NAA35: variants seen among roughly 807,000 people sequenced by gnomAD.
NAA35 encodes MAK10 homolog, amino-acid N-acetyltransferase subunit.
NAA35 carries 18 observed loss-of-function variants against 101.7 expected under a neutral mutation model. The ratio of observed to expected loss-of-function variants is 0.18; its 90% CI spans 0.12 to 0.26. The LOEUF is 0.26. Among genes scored for constraint, NAA35 ranks in the 10% least tolerant of loss-of-function variants. The probability of loss-of-function intolerance (pLI) is 1.00; values close to 1 mark genes in which losing one functional copy is unlikely to be tolerated. For synonymous variants in NAA35, 267 were observed against 273.1 expected, an observed-to-expected ratio of 0.98 and a Z score of 0.22; for missense variants, 601 against 886.8, an observed-to-expected ratio of 0.68 and a Z score of 4.09.
intron 2 of NAA35, among the ~76,000 whole-genome samples, chr9:85,950,369 C>T (rs1251690478): frequency 6.6e-6 from 1 of 152,166 alleles, no homozygotes; most frequent in Non-Finnish European, 1.5e-5. Flanking sequence ...TCTCAGCCTC[C>T]CAAGTAGTTG....
chr9:85,982,511 T>G (rs911095184), intron 11 of NAA35, among the ~76,000 whole-genome samples: 1 of 152,218 alleles, frequency 6.6e-6, no homozygotes, highest in Non-Finnish European at 1.5e-5. Context: ...ATGTTTCTCT[T>G]TCCATGTTCA....
At chr9:85,996,617 A>T (rs891951702) in intron 12 of NAA35, 40 bp downstream of exon 12, 8 of 1,375,010 alleles carry the variant, frequency 5.8e-6, no homozygotes, top group East Asian at 5.1e-5. Context: ...ACTTCCATTT[A>T]AAAAAAATTG....
At chr9:86,005,643 A>T (rs1378677305) in intron 13 of NAA35, among the ~76,000 whole-genome samples, 2 of 152,226 alleles carry the variant, frequency 1.3e-5, no homozygotes, top group Non-Finnish European at 2.9e-5. Context: ...TAGGATATGA[A>T]GTCATTATAC....
At chr9:85,949,829 A>G (rs1194357234) in intron 2 of NAA35, among the ~76,000 whole-genome samples, 1 of 151,926 alleles carries the variant, frequency 6.6e-6, no homozygotes, top group East Asian at 1.9e-4. Flanking sequence ...AAAAAACAGT[A>G]TCATGTTACT....
chr9:86,007,528 TA>T lies in NAA35; in HGVS notation c.1223+65del, dbSNP rs1441517041. On this transcript the variant is annotated intron_variant, in intron 14 of 22. Coordinates refer to ENST00000361671, the MANE Select transcript of NAA35 (RefSeq NM_024635.4). ...CTCCTTTAAAAGCCCAACTTCTCTGTACTCCTTCTTTATAGCCAAAGTATCA... is the reference window on the plus strand; with the variant it reads ...CTCCTTTAAAAGCCCAACTTCTCTGTCTCCTTCTTTATAGCCAAAGTATCA... The T allele has an allele frequency of 1.7e-5, 20 of 1,182,040 alleles. No homozygotes were observed. The East Asian group carries it at 4.8e-4, about 28-fold the overall frequency. 73.2% of individuals were successfully genotyped at this position (1,182,040 alleles called of 1,614,324 possible).
At chr9:86,015,852 GA>G (rs1832183774) in intron 17 of NAA35, 1 of 864,524 alleles carries the variant, frequency 1.2e-6, no homozygotes, top group Non-Finnish European at 1.4e-6. Context: ...TAAGATATAT[GA>G]GTTGTTATGG....
At chr9:86,009,791 G>T in intron 14 of NAA35, 74 bp from the exon 15 acceptor site, 1 of 1,035,156 alleles carries the variant, frequency 9.7e-7, no homozygotes, top group Non-Finnish European at 1.5e-6. Flanking sequence ...CTGTCATTTG[G>T]TAGCATCTGC....
At chr9:85,977,813 C>T (rs1420917366) in intron 10 of NAA35, among the ~76,000 whole-genome samples, 5 of 151,862 alleles carry the variant, frequency 3.3e-5, no homozygotes, top group African/African-American at 9.7e-5. Flanking sequence ...AATATTTTTT[C>T]CTTTTTGTAT....
rs760774532 is a variant in NAA35, at chr9:85,996,497, G to A, written c.976G>A (p.Val326Met). The change falls in exon 12 of 23, where the codon GTG becomes ATG. Residue 326 changes from valine to methionine, a missense_variant. Physicochemically the swap from Val to Met is conservative, Grantham distance 21 (BLOSUM62 1). Coordinates refer to ENST00000361671, the MANE Select transcript of NAA35 (RefSeq NM_024635.4). ...YAKIIKREEM[V>M]NYFARLIDRI... ...AAAAATAATTAAAAGGGAAGAAATG[G>A]TGAACTATTTTGCAAGATTAATAGA... 30 of 1,606,052 alleles carry A rather than the reference G, an allele frequency of 1.9e-5. No individual in the cohort carries two copies. The highest frequency in any genetic ancestry group is 2.4e-5 in the Non-Finnish European group (28 of 1,177,386).
At chr9:85,981,950 G>A (rs1240802250) in intron 11 of NAA35, among the ~76,000 whole-genome samples, 1 of 152,052 alleles carries the variant, frequency 6.6e-6, no homozygotes, top group Non-Finnish European at 1.5e-5. Flanking sequence ...TGAAATCACT[G>A]AGCATTCATT....
chr9:85,943,245 A>G (rs1250718869), intron 2 of NAA35, among the ~76,000 whole-genome samples: 1 of 152,188 alleles, frequency 6.6e-6, no homozygotes, highest in Non-Finnish European at 1.5e-5. Context: ...CTTGAACGTT[A>G]AAGAGAGGAT....
chr9:85,945,190 T>C (rs1828708656), intron 2 of NAA35, among the ~76,000 whole-genome samples: 2 of 152,206 alleles, frequency 1.3e-5, no homozygotes, highest in South Asian at 4.1e-4. Flanking sequence ...TGCCATTTTG[T>C]GGCCAACATA....
intron 13 of NAA35, among the ~76,000 whole-genome samples, chr9:86,007,015 A>G (rs933638359): frequency 6.6e-6 from 1 of 152,208 alleles, no homozygotes; most frequent in African/African-American, 2.4e-5. Context: ...AGGATTATCA[A>G]ATAACATGTA....
rs576478237 is a variant in NAA35 at position 85,942,867 on chromosome 9, C to T, written c.124+584C>T. On this transcript the variant is annotated intron_variant, in intron 2 of 22. Transcript: ENST00000361671. ...CTTTCTTTTAAATTGCTTTGCCCCTCGCTTTCACACAATTCTTCTTAAGTG... is the reference window on the plus strand; with the variant it reads ...CTTTCTTTTAAATTGCTTTGCCCCTTGCTTTCACACAATTCTTCTTAAGTG... Among the ~76,000 whole-genome samples the T allele has an allele frequency of 2.2e-4, 34 of 152,304 alleles. No homozygotes were observed. In the South Asian group the frequency reaches 5.2e-3, roughly 23 times the overall value.
intron 6 of NAA35, among the ~76,000 whole-genome samples, chr9:85,969,683 A>G (rs1354452650): frequency 6.6e-6 from 1 of 152,072 alleles, no homozygotes; most frequent in Non-Finnish European, 1.5e-5. Flanking sequence ...ACAACACAGC[A>G]AGACCCCATC....
intron 14 of NAA35, among the ~76,000 whole-genome samples, chr9:86,008,012 A>G (rs1206954172): frequency 4.6e-5 from 7 of 152,204 alleles, no homozygotes; most frequent in Non-Finnish European, 8.8e-5. Flanking sequence ...ATAAATGTTG[A>G]GTATCTTTTA....
chr9:85,965,689 A>T (rs922336504), intron 6 of NAA35, among the ~76,000 whole-genome samples: 1 of 152,150 alleles, frequency 6.6e-6, no homozygotes, highest in African/African-American at 2.4e-5. Flanking sequence ...TGGAAAAAAA[A>T]TGAGATTGAT....
chr9:85,999,678 A>G (rs1006112559), intron 12 of NAA35, among the ~76,000 whole-genome samples: 2 of 152,230 alleles, frequency 1.3e-5, no homozygotes, highest in African/African-American at 2.4e-5. Flanking sequence ...TTTCTCAGCA[A>G]GCTGCAGGAT....
chr9:85,950,894 T>C lies in NAA35; in HGVS notation c.125-5466T>C, dbSNP rs1281893506. 3.9e-5 allele frequency among the ~76,000 whole-genome samples: 6 copies of C among 152,244 alleles called. No homozygotes were observed. In the East Asian group the frequency reaches 1.2e-3, roughly 29 times the overall value. On this transcript the variant is annotated intron_variant, in intron 2 of 22. Coordinates refer to ENST00000361671, the MANE Select transcript of NAA35 (RefSeq NM_024635.4). ...GCTCACGCCTGTAATCCTAGCACTT[T>C]GGGAGGCCAAGGCGGGTGGATTACT...
Sources: allele counts gnomAD v4.1 joint callset (sites outside exome capture counted in the v4.1 genomes callset), GRCh38; gene constraint gnomAD v4.1.1; transcripts MANE v1.5; gene names NCBI Gene and HGNC (gene_info 2026-07-23, HGNC 2026-07-21).